RHOD: variants seen among roughly 807,000 people sequenced by gnomAD.
The protein encoded by RHOD is ras homolog family member D, also known as rho-related GTP-binding protein RhoD.
RHOD carries 11 observed loss-of-function variants against 16.7 expected under a neutral mutation model. That is an observed-to-expected ratio of 0.66 (90% CI 0.41 to 1.09). The LOEUF is 1.09. Among genes scored for constraint, RHOD ranks in the 50% least tolerant of loss-of-function variants. RHOD has a pLI of 0.00. For missense variants in RHOD, 271 were observed against 291.7 expected, an observed-to-expected ratio of 0.93 and a Z score of 0.52; for synonymous variants, 124 against 126.3, an observed-to-expected ratio of 0.98 and a Z score of 0.12.
intron 1 of RHOD, among the ~76,000 whole-genome samples, chr11:67,065,325 C>T (rs568682792): frequency 3.9e-5 from 6 of 152,266 alleles, no homozygotes; most frequent in South Asian, 2.1e-4. Flanking sequence ...CCGCCCACTT[C>T]GGCCTCCCAA....
At chr11:67,059,454 A>G (rs1344118113) in intron 1 of RHOD, among the ~76,000 whole-genome samples, 4 of 152,092 alleles carry the variant, frequency 2.6e-5, no homozygotes, top group Non-Finnish European at 5.9e-5. Context: ...GAGGCAGGAG[A>G]ATCGCTTGAA....
intron 1 of RHOD, among the ~76,000 whole-genome samples, chr11:67,065,543 G>A (rs1854948663): frequency 1.3e-5 from 2 of 152,006 alleles, no homozygotes; most frequent in Middle Eastern, 3.4e-3. Flanking sequence ...GCTAATTTTT[G>A]TATTTTTAGT....
chr11:67,071,020 G>A (rs573748558), intron 4 of RHOD, among the ~76,000 whole-genome samples: 15 of 152,152 alleles, frequency 9.9e-5, no homozygotes, highest in East Asian at 1.9e-4. Flanking sequence ...ATCACTTGAA[G>A]TCAGGAGTTC....
At chr11:67,060,810 G>A (rs1176975819) in intron 1 of RHOD, among the ~76,000 whole-genome samples, 3 of 152,232 alleles carry the variant, frequency 2.0e-5, no homozygotes, top group African/African-American at 7.2e-5. Context: ...CATTTGCAAA[G>A]CACTGAAACA....
At chr11:67,060,389 T>C (rs79184371) in intron 1 of RHOD, among the ~76,000 whole-genome samples, 3 of 152,324 alleles carry the variant, frequency 2.0e-5, no homozygotes, top group East Asian at 1.9e-4. Context: ...TTAGGTGCCA[T>C]TGATCCCATG....
chr11:67,070,264 T>C (rs1451277627), intron 3 of RHOD, 161 bp from the exon 4 acceptor site: 1 of 786,886 alleles, frequency 1.3e-6, no homozygotes, highest in Non-Finnish European at 2.2e-6. Flanking sequence ...TGTAAATTCT[T>C]AGATGAGGTT....
intron 1 of RHOD, among the ~76,000 whole-genome samples, chr11:67,061,818 ATATG>A (rs1383877344): frequency 6.3e-5 from 9 of 143,096 alleles, no homozygotes; most frequent in African/African-American, 1.8e-4. Flanking sequence ...GTGTATATAT[ATATG>A]TGTGTGTGTG....
At chr11:67,070,403 A>C in intron 3 of RHOD, 22 bp from the exon 4 acceptor site, 1 of 1,606,682 alleles carries the variant, frequency 6.2e-7, no homozygotes, top group Non-Finnish European at 8.5e-7. Context: ...TGCCCCCCAC[A>C]TGCCCCCTCG....
chr11:67,057,538 G>A (rs923385067), intron 1 of RHOD, among the ~76,000 whole-genome samples: 2 of 152,196 alleles, frequency 1.3e-5, no homozygotes, highest in South Asian at 4.1e-4. Flanking sequence ...GCACAGGAAG[G>A]ACTCACGGAG....
intron 2 of RHOD, among the ~76,000 whole-genome samples, 197 bp from the exon 3 acceptor site, chr11:67,066,541 G>A (rs1854961030): frequency 1.3e-5 from 2 of 152,252 alleles, no homozygotes; most frequent in South Asian, 2.1e-4. Context: ...CATCCCACAG[G>A]CAGAGGTGAG....
At chr11:67,066,980 A>T (rs1854966924) in intron 3 of RHOD, 133 bp downstream of exon 3, 1 of 689,936 alleles carries the variant, frequency 1.4e-6, no homozygotes, top group South Asian at 1.6e-5. Flanking sequence ...TTTGGTGTAT[A>T]TATGGGGAAA....
chr11:67,061,096 TAC>T (rs1012962056), intron 1 of RHOD, among the ~76,000 whole-genome samples: 4 of 152,238 alleles, frequency 2.6e-5, no homozygotes, highest in Admixed American at 6.5e-5. Context: ...TCAGGAAACT[TAC>T]AATCATTGTG....
At chr11:67,058,677 G>A (rs1854848210) in intron 1 of RHOD, among the ~76,000 whole-genome samples, 1 of 152,128 alleles carries the variant, frequency 6.6e-6, no homozygotes, top group South Asian at 2.1e-4. Context: ...GAGCATCTGA[G>A]CACAAGCAGG....
intron 1 of RHOD, among the ~76,000 whole-genome samples, chr11:67,060,163 C>T (rs547690676): frequency 3.7e-4 from 56 of 152,338 alleles, no homozygotes; most frequent in Non-Finnish European, 6.5e-4. Flanking sequence ...TGGCTAGAGC[C>T]CCCTGGGTCC....
At chr11:67,066,942 G>T in intron 3 of RHOD, 95 bp downstream of exon 3, 2 of 839,192 alleles carry the variant, frequency 2.4e-6, no homozygotes, top group Middle Eastern at 2.2e-4. Flanking sequence ...GAGCTTGGCA[G>T]GCCCAAAATG....
chr11:67,066,005 A>C, intron 2 of RHOD, 22 bp downstream of exon 2: 9 of 593,596 alleles, frequency 1.5e-5, no homozygotes, highest in Non-Finnish European at 2.6e-5. Context: ...GGGGTGGGGC[A>C]GGGTGGGAGG....
At chr11:67,064,467 C>A (rs566872646) in intron 1 of RHOD, among the ~76,000 whole-genome samples, 6 of 151,378 alleles carry the variant, frequency 4.0e-5, no homozygotes, top group South Asian at 4.2e-4. Context: ...TTGGGGCATT[C>A]TGGTAAGGGA....
chr11:67,057,026 T>G lies in RHOD; in HGVS notation c.124T>G (p.Phe42Val). The G allele has an allele frequency of 6.7e-7, 1 of 1,485,182 alleles. No individual in the cohort carries two copies. Among genetic ancestry groups the G allele is most frequent in the Non-Finnish European group, 8.9e-7 (1 of 1,128,906 alleles). 92.0% of individuals were successfully genotyped at this position (1,485,182 alleles called of 1,614,324 possible). A position where few individuals can be genotyped will look rare whatever the true frequency, so the allele number is the denominator to read the frequency against. The change falls in exon 1 of 5, where the codon TTC becomes GTC. Residue 42 changes from phenylalanine to valine, a missense_variant. Physicochemically the swap from Phe to Val is conservative, Grantham distance 50 (BLOSUM62 -1). Transcript: ENST00000308831. ...GCTGATGGTCTTCGCCGATGGGGCC[T>G]TCCCCGAGGTGAGTGCCCCGCGCCT... ...SLLMVFADGA[F>V]PESYTPTVFE...
Position 67,065,961 on chromosome 11 carries a change from C to T in RHOD, c.198C>T (p.His66=). Residue 66 remains histidine, a synonymous_variant, in exon 2 of 5, where the codon CAC becomes CAT. Transcript: ENST00000308831. The part of the protein sequence containing the change: ...VNLQVKGKPV[H]LHIWDTAGQD... ...TGCAAGTGAAAGGCAAACCTGTGCACCTCCACATCTGGGACACAGCAGGTG... is the reference window on the plus strand; with the variant it reads ...TGCAAGTGAAAGGCAAACCTGTGCATCTCCACATCTGGGACACAGCAGGTG... 1.2e-6 allele frequency: 2 copies of T among 1,613,802 alleles called. No homozygotes were observed. Among genetic ancestry groups the T allele is most frequent in the South Asian group, 2.2e-5 (2 of 91,072 alleles).
Sources: gnomAD v4.1 joint callset for allele counts (sites outside exome capture counted in the v4.1 genomes callset) on GRCh38, gnomAD v4.1.1 for gene constraint, MANE v1.5 for transcripts, NCBI Gene and HGNC (gene_info 2026-07-23, HGNC 2026-07-21) for gene names.